Variants in MARK3 observed in about 807,000 individuals in gnomAD.
MARK3 encodes MAP/microtubule affinity-regulating kinase 3.
In MARK3, 46 loss-of-function variants were observed where a neutral mutation model predicts 90.1. The ratio of observed to expected loss-of-function variants is 0.51; its 90% CI spans 0.40 to 0.65. The LOEUF (loss-of-function observed/expected upper bound fraction) is 0.65, where lower values mean the gene tolerates loss of function less well. MARK3 is among the 30% of genes least tolerant of loss of function. The pLI is 0.00. For missense variants in MARK3, 818 were observed against 947.2 expected (o/e 0.86, Z 1.79); for synonymous variants, 321 against 332.6 (o/e 0.97, Z 0.38).
intron 3 of MARK3, among the ~76,000 whole-genome samples, chr14:103,432,470 A>G (rs902419875): frequency 2.6e-5 from 4 of 152,128 alleles, no homozygotes; most frequent in Non-Finnish European, 5.9e-5. Flanking sequence ...TGATTGTAAA[A>G]TAGGGCAACA....
At chr14:103,387,030 T>G (rs1951392) in intron 1 of MARK3, among the ~76,000 whole-genome samples, 39,348 of 152,246 alleles carry the variant, frequency 0.26, 6,274 homozygotes, top group Middle Eastern at 0.44. Context: ...TTGACTATAT[T>G]CTGTAAAACA....
chr14:103,421,359 T>G (rs549937739), intron 2 of MARK3, among the ~76,000 whole-genome samples: 1 of 152,346 alleles, frequency 6.6e-6, no homozygotes, highest in Admixed American at 6.5e-5. Context: ...CTGCATAGAA[T>G]GAACAATGAG....
intron 12 of MARK3, among the ~76,000 whole-genome samples, chr14:103,469,704 T>C (rs1487765305): frequency 2.0e-5 from 3 of 151,968 alleles, no homozygotes; most frequent in Non-Finnish European, 2.9e-5. Context: ...CCACCCACCT[T>C]GGCCTCCCAA....
In MARK3 at chr14:103,385,857, G is replaced by T; in HGVS notation, c.-173G>T. ...AGAGAATGAGCCCCGGGACCCGCCG[G>T]GGGACGGCCCGGGCCAGGCCCGGGA... is the stretch of plus-strand genomic sequence containing the variant. On this transcript the variant is annotated 5_prime_UTR_variant, in exon 1 of 18. Transcript: ENST00000429436. The T allele has an allele frequency of 1.9e-6, 1 of 537,216 alleles. No homozygotes were observed. Among genetic ancestry groups the T allele is most frequent in the East Asian group, 3.2e-5 (1 of 31,410 alleles). 33.3% of individuals were successfully genotyped at this position (537,216 alleles called of 1,614,324 possible). A position where few individuals can be genotyped will look rare whatever the true frequency, so the allele number is the denominator to read the frequency against.
intron 2 of MARK3, among the ~76,000 whole-genome samples, chr14:103,413,353 T>G (rs2091769414): frequency 6.6e-6 from 1 of 151,958 alleles, no homozygotes; most frequent in African/African-American, 2.4e-5. Context: ...ATCATATAAC[T>G]TCTTGCATTT....
rs12887238 is a variant in MARK3 at position 103,405,976 on chromosome 14, A to C, written c.243+709A>C. Among the ~76,000 whole-genome samples, 141 of 152,088 alleles carry C rather than the reference A, an allele frequency of 9.3e-4. 2 individuals carry two copies. Among genetic ancestry groups the C allele is most frequent in the African/African-American group, 3.4e-3 (140 of 41,458 alleles). ...CTCAATCATGGCTCACTATAGCCTC[A>C]ACCTCCTGGGGTCAGGCAGTTCTCC... On this transcript the variant is annotated intron_variant, in intron 2 of 17. Coordinates refer to ENST00000429436, the MANE Select transcript of MARK3 (RefSeq NM_001128918.3).
At chr14:103,490,943 C>T in intron 14 of MARK3, 2 of 1,265,430 alleles carry the variant, frequency 1.6e-6, no homozygotes, top group East Asian at 5.8e-5. Flanking sequence ...GAACCCAAAC[C>T]CCTCCCAGCC....
chr14:103,465,855 C>A, intron 8 of MARK3, 62 bp downstream of exon 8: 1 of 1,535,220 alleles, frequency 6.5e-7, no homozygotes, highest in Non-Finnish European at 8.9e-7. Flanking sequence ...TATTACATGG[C>A]TTAATATTTT....
intron 3 of MARK3, among the ~76,000 whole-genome samples, chr14:103,437,478 A>G (rs1270511789): frequency 2.0e-5 from 3 of 152,198 alleles, no homozygotes; most frequent in South Asian, 2.1e-4. Flanking sequence ...AGGTCTCACT[A>G]TCTTGCCCAA....
At chr14:103,490,906 C>T in intron 14 of MARK3, 1 of 1,220,948 alleles carries the variant, frequency 8.2e-7, no homozygotes, top group South Asian at 1.4e-5. Flanking sequence ...GTCACTGCTC[C>T]TTCATACTGT....
chr14:103,396,639 G>T (rs543658524), intron 1 of MARK3, among the ~76,000 whole-genome samples: 1 of 152,174 alleles, frequency 6.6e-6, no homozygotes, highest in East Asian at 1.9e-4. Context: ...GGCTAATGGT[G>T]GGTTGTTGTA....
At chr14:103,407,554 CTTT>C (rs71460673) in intron 2 of MARK3, among the ~76,000 whole-genome samples, 11 of 71,664 alleles carry the variant, frequency 1.5e-4, no homozygotes, top group African/African-American at 5.2e-4. Flanking sequence ...TGTTTTGCCT[CTTT>C]TTTTTTTTTT....
chr14:103,450,860 C>T (rs529317248), intron 4 of MARK3, among the ~76,000 whole-genome samples: 4 of 140,114 alleles, frequency 2.9e-5, no homozygotes, highest in Non-Finnish European at 6.2e-5. Context: ...GGATTTACTC[C>T]AGTTTCATTT....
chr14:103,389,629 C>T (rs1295462711), intron 1 of MARK3, among the ~76,000 whole-genome samples: 1 of 150,032 alleles, frequency 6.7e-6, no homozygotes, highest in Non-Finnish European at 1.5e-5. Context: ...TAATGTCCAC[C>T]CTTAGTGAAT....
chr14:103,417,952 C>G (rs1048563866), intron 2 of MARK3, among the ~76,000 whole-genome samples: 2 of 152,058 alleles, frequency 1.3e-5, no homozygotes, highest in Non-Finnish European at 2.9e-5. Context: ...ACCTGTAATC[C>G]CAGCTACTCA....
At position 103,468,591 on chromosome 14, in the gene MARK3, G is replaced by A. The variant is rs147900310; in HGVS notation, c.1264+405G>A. On this transcript the variant is annotated intron_variant, in intron 12 of 17. Coordinates refer to ENST00000429436, the MANE Select transcript of MARK3 (RefSeq NM_001128918.3). ...TCCACCTGCCTTGGCCTCCCAGAGC[G>A]CTGGAATTACAGGCATGAGCCACCG... Among the ~76,000 whole-genome samples the A allele has an allele frequency of 1.1e-4, 17 of 151,930 alleles. No homozygotes were observed. The East Asian group carries it at 2.7e-3, about 24-fold the overall frequency.
intron 1 of MARK3, among the ~76,000 whole-genome samples, chr14:103,400,396 C>A (rs145612867): frequency 6.6e-6 from 1 of 152,166 alleles, no homozygotes; most frequent in Non-Finnish European, 1.5e-5. Context: ...TCCCTAAACA[C>A]GTGTTCAACT....
At chr14:103,472,098 C>G (rs758039017) in intron 12 of MARK3, among the ~76,000 whole-genome samples, 3 of 151,028 alleles carry the variant, frequency 2.0e-5, no homozygotes, top group Non-Finnish European at 2.9e-5. Context: ...ATAGTCCCAG[C>G]TACTCAGGAG....
intron 14 of MARK3, chr14:103,489,568 C>G (rs1414665310): frequency 6.6e-6 from 1 of 152,284 alleles, no homozygotes; most frequent in Non-Finnish European, 1.5e-5. Context: ...TACTGAGGCC[C>G]TGGTAGAAGT....
Sources: allele counts gnomAD v4.1 joint callset (sites outside exome capture counted in the v4.1 genomes callset), GRCh38; gene constraint gnomAD v4.1.1; transcripts MANE v1.5; gene names NCBI Gene and HGNC (gene_info 2026-07-23, HGNC 2026-07-21).